The following XG variants were observed in gnomAD, a reference collection of about 807,000 sequenced individuals.
XG encodes the protein glycoprotein Xg.
In XG, 24 loss-of-function variants were observed where a neutral mutation model predicts 25.7. That is an observed-to-expected ratio of 0.93 (90% CI 0.68 to 1.31). The LOEUF is 1.31. XG is among the 40% of genes most tolerant of loss of function. XG has a pLI of 0.00. For missense variants in XG, 181 were observed against 187.6 expected, an observed-to-expected ratio of 0.96 and a Z score of 0.21; for synonymous variants, 77 against 69.2, an observed-to-expected ratio of 1.11 and a Z score of -0.56.
intron 4 of XG, among the ~76,000 whole-genome samples, chrX:2,783,418 T>C (rs369874424): frequency 1.4e-4 from 16 of 110,942 alleles, no homozygotes; most frequent in Admixed American, 1.9e-4. Flanking sequence ...AAGGAAAAGA[T>C]AGATTCTGGC....
chrX:2,782,325 G>C (rs2086737716), intron 4 of XG, among the ~76,000 whole-genome samples, 197 bp downstream of exon 4: 1 of 112,396 alleles, frequency 8.9e-6, no homozygotes, highest in African/African-American at 3.2e-5. Flanking sequence ...CCTTTGCTTT[G>C]ACATCTAGAA....
At chrX:2,756,587 T>C (rs1322389333) in intron 1 of XG, among the ~76,000 whole-genome samples, 1 of 141,982 alleles carries the variant, frequency 7.0e-6, no homozygotes, top group African/African-American at 2.7e-5. Flanking sequence ...TATGCATCAA[T>C]TAAAAATAAA....
intron 5 of XG, among the ~76,000 whole-genome samples, chrX:2,792,760 A>G (rs1351050418): frequency 9.1e-6 from 1 of 110,022 alleles, no homozygotes; most frequent in Non-Finnish European, 1.9e-5. Context: ...GCCTCTGTGC[A>G]TGCTACCTCG....
chrX:2,766,888 G>GCACTGT (rs1186240402), intron 1 of XG, among the ~76,000 whole-genome samples: 1 of 152,078 alleles, frequency 6.6e-6, no homozygotes, highest in African/African-American at 2.4e-5. Context: ...ATACAGATAG[G>GCACTGT]ATAGAGGGAA....
At chrX:2,801,829 C>T (rs1015707041) in intron 7 of XG, among the ~76,000 whole-genome samples, 3 of 111,301 alleles carry the variant, frequency 2.7e-5, no homozygotes, top group African/African-American at 9.9e-5. Context: ...CTGCCTCAGC[C>T]TCCCGAGTAG....
At chrX:2,787,027 G>C (rs1226736197) in intron 4 of XG, among the ~76,000 whole-genome samples, 1 of 108,508 alleles carries the variant, frequency 9.2e-6, no homozygotes, top group Non-Finnish European at 1.9e-5. Flanking sequence ...AAGAAGGGGA[G>C]ATGAGGACGC....
chrX:2,793,532 GCT>G (rs1258074311), intron 5 of XG, among the ~76,000 whole-genome samples: 3 of 112,210 alleles, frequency 2.7e-5, no homozygotes, highest in Admixed American at 1.9e-4. Context: ...TATTGAGAAA[GCT>G]CTCTCAGCGT....
At chrX:2,783,542 T>C (rs1331140610) in intron 4 of XG, among the ~76,000 whole-genome samples, 2 of 112,824 alleles carry the variant, frequency 1.8e-5, no homozygotes, top group Non-Finnish European at 3.7e-5. Context: ...TAGTTTGCTC[T>C]GGCTTTAAAC....
chrX:2,770,036 TG>T (rs1556363415), intron 1 of XG, among the ~76,000 whole-genome samples: 1 of 43,336 alleles, frequency 2.3e-5, no homozygotes, highest in African/African-American at 8.6e-5. Context: ...GGGGGGGCGT[TG>T]GGGGGCGGGG....
intron 7 of XG, among the ~76,000 whole-genome samples, chrX:2,801,047 G>A (rs922695357): frequency 4.7e-5 from 5 of 107,495 alleles, no homozygotes; most frequent in African/African-American, 1.0e-4. Flanking sequence ...ACTATGAGAT[G>A]AGTTCCTTCC....
intron 2 of XG, among the ~76,000 whole-genome samples, chrX:2,772,732 A>G (rs1483833546): frequency 6.6e-6 from 1 of 152,228 alleles, no homozygotes; most frequent in East Asian, 1.9e-4. Flanking sequence ...TTTTTTAAAA[A>G]TCACATAAAT....
chrX:2,759,133 AG>A (rs1178971049), intron 1 of XG, among the ~76,000 whole-genome samples: 4 of 152,166 alleles, frequency 2.6e-5, no homozygotes, highest in African/African-American at 9.7e-5. Context: ...GTGTTCCTCG[AG>A]TAACACTTGG....
At position 2,781,642 on chromosome X, in the gene XG, G is replaced by A. The variant is rs148034730; in HGVS notation, c.128-424G>A. On this transcript the variant is annotated intron_variant, in intron 3 of 10. Coordinates refer to ENST00000644266, the MANE Select transcript of XG (RefSeq NM_001141919.2). ...AAACTCTCTTCCTCCCCAGTTCATC[G>A]GTGTTTCATTATTGGGCTGTGAGAA... Among the ~76,000 whole-genome samples the A allele has an allele frequency of 5.1e-3, 569 of 111,730 alleles. 1 individual carries two copies. The highest frequency in any genetic ancestry group is 0.018 in the African/African-American group (537 of 30,660).
chrX:2,776,197 T>A lies in XG; in HGVS notation c.127+1458T>A, dbSNP rs764491368. 2.4e-3 allele frequency among the ~76,000 whole-genome samples: 364 copies of A among 151,888 alleles called. 2 individuals carry two copies. Among genetic ancestry groups the A allele is most frequent in the African/African-American group, 8.4e-3 (346 of 41,246 alleles). ...CGACCGAGAGACGGCTAATGCTTAA[T>A]AGTCTCTCGGTCCTGAGGAAGGGGC... On this transcript the variant is annotated intron_variant, in intron 3 of 10. Coordinates refer to ENST00000644266, the MANE Select transcript of XG (RefSeq NM_001141919.2).
Position 2,786,260 on chromosome X carries a change from C to CTTTTTTTTTTTTTTTTTTTTTTTT in XG, c.191-3367_191-3366insTTTTTTTTTTTTTTTTTTTTTTTT, listed in dbSNP as rs1179667048. ...CCCCAGCAGCTCCTATCCATGTTGT[C>CTTTTTTTTTTTTTTTTTTTTTTTT]TTTTTTTTTTTTTTTTTCAGACAGA... On this transcript the variant is annotated intron_variant, in intron 4 of 10. Transcript: ENST00000644266. 1.5e-4 allele frequency among the ~76,000 whole-genome samples: 9 copies of CTTTTTTTTTTTTTTTTTTTTTTTT among 60,567 alleles called. 2 individuals are homozygous for CTTTTTTTTTTTTTTTTTTTTTTTT. The highest frequency in any genetic ancestry group is 5.2e-4 in the Admixed American group (2 of 3,812). The allele number at this position is 60,567 out of a possible 115,157, so 52.6% of individuals were successfully genotyped here. A position where few individuals can be genotyped will look rare whatever the true frequency, so the allele number is the denominator to read the frequency against.
intron 4 of XG, among the ~76,000 whole-genome samples, chrX:2,784,703 TG>T (rs2086768239): frequency 9.3e-6 from 1 of 107,482 alleles, no homozygotes; most frequent in African/African-American, 3.4e-5. Context: ...GGAGGAGGAG[TG>T]GGGGAAGAGA....
rs1448430036 is a variant in XG, at chrX:2,815,505, G to C, written c.*1125G>C. 1 of 111,833 alleles carries C rather than the reference G, an allele frequency of 8.9e-6. No homozygotes were observed. Among genetic ancestry groups the C allele is most frequent in the Non-Finnish European group, 1.9e-5 (1 of 53,215 alleles). The allele number at this position is 111,833 out of a possible 1,213,427, so 9.2% of individuals were successfully genotyped here. ...CATTATGAATTGGGGTCTTCAAAGA[G>C]AGAAGGTTGAAAGTGGAAAGCACTT... On this transcript the variant is annotated 3_prime_UTR_variant, in exon 11 of 11. Coordinates refer to ENST00000644266, the MANE Select transcript of XG (RefSeq NM_001141919.2).
chrX:2,775,127 TG>T, intron 3 of XG: 1 of 237,278 alleles, frequency 4.2e-6, no homozygotes, highest in South Asian at 8.9e-5. Context: ...CTCCTAGGTA[TG>T]TACTCAAAAT....
chrX:2,798,101 G>A (rs1270698017), intron 7 of XG, among the ~76,000 whole-genome samples: 1 of 111,206 alleles, frequency 9.0e-6, no homozygotes, highest in Non-Finnish European at 1.9e-5. Flanking sequence ...TCTTTTGGTC[G>A]GTGCTTATGC....
Sources: allele counts gnomAD v4.1 joint callset (sites outside exome capture counted in the v4.1 genomes callset), GRCh38; gene constraint gnomAD v4.1.1; transcripts MANE v1.5; gene names NCBI Gene and HGNC (gene_info 2026-07-23, HGNC 2026-07-21).